Variants in CSNK1G2 observed in about 807,000 individuals in gnomAD.
The protein encoded by CSNK1G2 is casein kinase 1 gamma 2, also known as casein kinase I isoform gamma-2.
In CSNK1G2, 11 loss-of-function variants were observed where a neutral mutation model predicts 48.0. The observed-to-expected ratio is 0.23, with a 90% CI of 0.14 to 0.38. The LOEUF is 0.38. CSNK1G2 is among the 10% of genes least tolerant of loss of function. CSNK1G2 has a pLI of 1.00. For missense variants in CSNK1G2, 446 were observed against 595.5 expected, an observed-to-expected ratio of 0.75 and a Z score of 2.61; for synonymous variants, 337 against 254.1, an observed-to-expected ratio of 1.33 and a Z score of -3.10.
At chr19:1,959,880 A>C (rs2015140025) in intron 1 of CSNK1G2, among the ~76,000 whole-genome samples, 1 of 148,094 alleles carries the variant, frequency 6.8e-6, no homozygotes, top group Non-Finnish European at 1.5e-5. Context: ...TGGGTCCCCC[A>C]GCACCCGCCC....
At chr19:1,958,291 G>C (rs1236022176) in intron 1 of CSNK1G2, among the ~76,000 whole-genome samples, 1 of 151,996 alleles carries the variant, frequency 6.6e-6, no homozygotes, top group Non-Finnish European at 1.5e-5. Flanking sequence ...TCCTTTTTGG[G>C]CAGCGAGTGT....
In CSNK1G2 at chr19:1,975,469, C is replaced by T. The variant is rs567685448; in HGVS notation, c.188-2836C>T. 15 of 985,458 alleles carry T rather than the reference C, an allele frequency of 1.5e-5. No individual in the cohort carries two copies. In the East Asian group the frequency reaches 3.4e-4, roughly 22 times the overall value. The allele number at this position is 985,458 out of a possible 1,614,324, so 61.0% of individuals were successfully genotyped here. A position where few individuals can be genotyped will look rare whatever the true frequency, so the allele number is the denominator to read the frequency against. On this transcript the variant is annotated intron_variant, in intron 2 of 11. Transcript: ENST00000255641. The stretch of plus-strand genomic sequence containing the variant: ...AGAGTCAGAACTGGAGACGGGAGGG[C>T]GTGCCTCAAGGGCAGATGGGCAAAC...
chr19:1,978,369 C>T lies in CSNK1G2; in HGVS notation c.228+24C>T, dbSNP rs145719266. 40,923 of 1,612,724 alleles carry T rather than the reference C, an allele frequency of 0.025. 662 individuals carry two copies. The highest frequency in any genetic ancestry group is 0.073 in the Middle Eastern group (443 of 6,058). On this transcript the variant is annotated intron_variant, in intron 3 of 11. Transcript: ENST00000255641. This position sits in a 1 kb window ranked among gnomAD's most constrained non-coding sequence, Gnocchi z 7.3. Reference sequence around the variant, plus strand: ...TGGTGAGTCGGCCCCTCCACCCCACCCCCGCTGACGTGCCCCCCAGGGATT... The same window carrying T: ...TGGTGAGTCGGCCCCTCCACCCCACTCCCGCTGACGTGCCCCCCAGGGATT...
intron 1 of CSNK1G2, among the ~76,000 whole-genome samples, chr19:1,963,042 G>A (rs187525822): frequency 0.017 from 2,602 of 149,506 alleles, 29 homozygotes; most frequent in African/African-American, 0.032. Context: ...CCTTCAGGAC[G>A]CCAGGCTCAA....
chr19:1,944,782 C>A (rs193052330), intron 1 of CSNK1G2, among the ~76,000 whole-genome samples: 1 of 152,162 alleles, frequency 6.6e-6, no homozygotes, highest in Admixed American at 6.5e-5. Context: ...CAATGCACTG[C>A]GGGCAGCCCT....
intron 1 of CSNK1G2, among the ~76,000 whole-genome samples, chr19:1,959,602 C>G (rs1196801104): frequency 6.6e-5 from 8 of 120,744 alleles, no homozygotes; most frequent in African/African-American, 3.0e-4. Flanking sequence ...TTAGTGCCAC[C>G]CTGAGTCCCC....
chr19:1,968,476 C>T (rs1285745518), intron 1 of CSNK1G2, among the ~76,000 whole-genome samples: 9 of 152,320 alleles, frequency 5.9e-5, no homozygotes, highest in Admixed American at 2.0e-4. Context: ...CTGGCCCCCT[C>T]GCTCCAGAGA....
At chr19:1,975,155 C>T (rs1255944803) in intron 2 of CSNK1G2, 1 of 985,486 alleles carries the variant, frequency 1.0e-6, no homozygotes, top group Non-Finnish European at 1.2e-6. Flanking sequence ...TCAGATGCAT[C>T]AGAGCTTCAA....
In CSNK1G2 at chr19:1,950,375, G is replaced by A. The variant is rs188677190; in HGVS notation, c.-266+8957G>A. Among the ~76,000 whole-genome samples the A allele has an allele frequency of 7.5e-5, 11 of 146,834 alleles. 1 individual carries two copies. Among genetic ancestry groups the A allele is most frequent in the Non-Finnish European group, 1.3e-4 (9 of 67,248 alleles). Reference sequence around the variant, plus strand: ...AGGATGGTCTTGATCTCCAGACCTCGTGATCCGCCCTCCTCGGCCTCCCAA... The same window carrying A: ...AGGATGGTCTTGATCTCCAGACCTCATGATCCGCCCTCCTCGGCCTCCCAA... On this transcript the variant is annotated intron_variant, in intron 1 of 11. Transcript: ENST00000255641.
intron 2 of CSNK1G2, chr19:1,976,154 G>C: frequency 8.2e-7 from 1 of 1,224,578 alleles, no homozygotes; most frequent in Non-Finnish European, 1.1e-6. Flanking sequence ...TTGGGTGTTT[G>C]GGGCACGGCT....
Position 1,980,349 on chromosome 19 carries a change from CTCAG to C in CSNK1G2, c.*147_*150del. The C allele has an allele frequency of 1.0e-6, 1 of 986,514 alleles. No individual in the cohort carries two copies. Among genetic ancestry groups the C allele is most frequent in the Non-Finnish European group, 1.6e-6 (1 of 644,532 alleles). 61.1% of individuals were successfully genotyped at this position (986,514 alleles called of 1,614,324 possible). A position where few individuals can be genotyped will look rare whatever the true frequency, so the allele number is the denominator to read the frequency against. On this transcript the variant is annotated 3_prime_UTR_variant, in exon 12 of 12. Coordinates refer to ENST00000255641, the MANE Select transcript of CSNK1G2 (RefSeq NM_001319.7). ...CGCAGACTGCAGGGGCCGCGCCTGG[CTCAG>C]GCGGCCCCACCCCCGGGACGTGGGG...
chr19:1,970,473 G>A (rs901624526), intron 2 of CSNK1G2, among the ~76,000 whole-genome samples: 2 of 152,242 alleles, frequency 1.3e-5, no homozygotes, highest in African/African-American at 4.8e-5. Context: ...CGTCCCTTCT[G>A]CTCACACCAA....
At chr19:1,956,945 A>T (rs2015020563) in intron 1 of CSNK1G2, among the ~76,000 whole-genome samples, 1 of 152,234 alleles carries the variant, frequency 6.6e-6, no homozygotes, top group Non-Finnish European at 1.5e-5. Flanking sequence ...GTTTCTCAGC[A>T]GAAGGAACTG....
rs1033784969 is a variant in CSNK1G2 at position 1,961,677 on chromosome 19, C to G, written c.-265-7831C>G. Among the ~76,000 whole-genome samples the G allele has an allele frequency of 2.0e-5, 3 of 152,354 alleles. No individual in the cohort carries two copies. The South Asian group carries it at 6.2e-4, about 32-fold the overall frequency. On this transcript the variant is annotated intron_variant, in intron 1 of 11. Transcript: ENST00000255641. ...AGCTGCGGTGGGGGGTGGGGGACTA[C>G]GTCTCACAGATCCCTCTCCCAGGGC...
In CSNK1G2 at chr19:1,980,427, A is replaced by G. The variant is rs1334431344; in HGVS notation, c.*224A>G. The G allele has an allele frequency of 1.6e-6, 1 of 614,412 alleles. No individual in the cohort carries two copies. Among genetic ancestry groups the G allele is most frequent in the South Asian group, 1.8e-5 (1 of 54,166 alleles). The allele number at this position is 614,412 out of a possible 1,614,324, so 38.1% of individuals were successfully genotyped here. On this transcript the variant is annotated 3_prime_UTR_variant, in exon 12 of 12. Coordinates refer to ENST00000255641, the MANE Select transcript of CSNK1G2 (RefSeq NM_001319.7). The stretch of plus-strand genomic sequence containing the variant: ...GGCCGAAATTTCTACACCTGTGTCT[A>G]GTCCTCCCCTCCAAGAGCATTAACT...
At chr19:1,971,865 G>A (rs1293710884) in intron 2 of CSNK1G2, among the ~76,000 whole-genome samples, 3 of 151,772 alleles carry the variant, frequency 2.0e-5, no homozygotes, top group African/African-American at 7.3e-5. Flanking sequence ...CGCGTCCCGG[G>A]TTCACGCCAT....
At chr19:1,951,767 G>A (rs145998041) in intron 1 of CSNK1G2, among the ~76,000 whole-genome samples, 7 of 145,972 alleles carry the variant, frequency 4.8e-5, no homozygotes, top group East Asian at 2.1e-4. Context: ...TGCACGCTCC[G>A]CCTCCCGGGT....
Position 1,947,550 on chromosome 19 carries a change from AGC to A in CSNK1G2, c.-266+6135_-266+6136del, listed in dbSNP as rs555635476. Among the ~76,000 whole-genome samples, 3 of 152,306 alleles carry A rather than the reference AGC, an allele frequency of 2.0e-5. No homozygotes were observed. The South Asian group carries it at 6.2e-4, about 32-fold the overall frequency. ...GTTCCCAGGACGGGAGCCTGAGGGC[AGC>A]GCACGGGACCAGCGTGAGGACACGG... On this transcript the variant is annotated intron_variant, in intron 1 of 11. Transcript: ENST00000255641.
At chr19:1,965,271 T>C (rs1159285425) in intron 1 of CSNK1G2, among the ~76,000 whole-genome samples, 1 of 149,552 alleles carries the variant, frequency 6.7e-6, no homozygotes, top group African/African-American at 2.4e-5. Flanking sequence ...TAGTCCCAGC[T>C]ACTCAGGAGG....
Sources: gnomAD v4.1 joint callset for allele counts (sites outside exome capture counted in the v4.1 genomes callset) on GRCh38, gnomAD v4.1.1 for gene constraint, Gnocchi (gnomAD v3.1) non-coding constraint, MANE v1.5 for transcripts, NCBI Gene and HGNC (gene_info 2026-07-23, HGNC 2026-07-21) for gene names.